The following ZDHHC2 variants were observed in gnomAD, a reference collection of about 807,000 sequenced individuals.
The protein encoded by ZDHHC2 is palmitoyltransferase ZDHHC2.
A neutral mutation model predicts 55.6 loss-of-function variants in ZDHHC2; 51 were observed. The observed-to-expected ratio is 0.92, with a 90% confidence interval of 0.73 to 1.16. The LOEUF is 1.16. ZDHHC2 is among the 50% of genes most tolerant of loss of function. The pLI is 0.00. For synonymous variants in ZDHHC2, 199 were observed against 152.9 expected, an observed-to-expected ratio of 1.30 and a Z score of -2.22; for missense variants, 491 against 442.4, an observed-to-expected ratio of 1.11 and a Z score of -0.99.
Position 17,156,706 on chromosome 8 carries a change from G to T in ZDHHC2, c.-18G>T. 1 of 1,449,594 alleles carries T rather than the reference G, an allele frequency of 6.9e-7. No homozygotes were observed. The highest frequency in any genetic ancestry group is 9.1e-7 in the Non-Finnish European group (1 of 1,097,252). The allele number at this position is 1,449,594 out of a possible 1,614,324, so 89.8% of individuals were successfully genotyped here. On this transcript the variant is annotated 5_prime_UTR_variant, in exon 1 of 13. The change creates a new upstream start codon in the 5' untranslated region. Transcript: ENST00000262096. The stretch of plus-strand genomic sequence containing the variant: ...CCGCGGGCGGCGGCGGAGCTGGGCA[G>T]GTGGATGCGGCTGGAAGATGGCGCC...
At chr8:17,204,495 G>T (rs928875751) in intron 6 of ZDHHC2, among the ~76,000 whole-genome samples, 1 of 152,234 alleles carries the variant, frequency 6.6e-6, no homozygotes, top group African/African-American at 2.4e-5. Context: ...CATGGGTGAT[G>T]TATCACATTG....
At chr8:17,194,974 A>C (rs1214384141) in intron 3 of ZDHHC2, among the ~76,000 whole-genome samples, 1 of 152,174 alleles carries the variant, frequency 6.6e-6, no homozygotes, top group Non-Finnish European at 1.5e-5. Flanking sequence ...AATATTTTAA[A>C]ATTAGCTGGG....
At chr8:17,166,090 G>C (rs139586891) in intron 1 of ZDHHC2, among the ~76,000 whole-genome samples, 50 of 152,322 alleles carry the variant, frequency 3.3e-4, no homozygotes, top group Non-Finnish European at 2.9e-5. Flanking sequence ...TTTACTTGGG[G>C]TGACATGAGA....
intron 3 of ZDHHC2, among the ~76,000 whole-genome samples, chr8:17,189,084 C>T (rs1326014844): frequency 6.7e-6 from 1 of 148,574 alleles, no homozygotes; most frequent in Non-Finnish European, 1.5e-5. Flanking sequence ...AGCCTCTTAA[C>T]AGGTTTCTTT....
chr8:17,204,614 C>G (rs1257769150), intron 6 of ZDHHC2, among the ~76,000 whole-genome samples: 1 of 151,968 alleles, frequency 6.6e-6, no homozygotes, highest in Non-Finnish European at 1.5e-5. Flanking sequence ...ATGATGAGAA[C>G]ACATGGACAC....
chr8:17,179,258 G>C (rs1320529816), intron 1 of ZDHHC2, among the ~76,000 whole-genome samples: 7 of 152,076 alleles, frequency 4.6e-5, no homozygotes, highest in Non-Finnish European at 1.0e-4. Context: ...TGGTTGTCCT[G>C]TCTTTCTTAC....
At chr8:17,172,162 T>C (rs564396019) in intron 1 of ZDHHC2, among the ~76,000 whole-genome samples, 11 of 152,278 alleles carry the variant, frequency 7.2e-5, no homozygotes, top group African/African-American at 2.6e-4. Flanking sequence ...TCCTTTTAAC[T>C]TTTTTGCCTA....
intron 6 of ZDHHC2, 92 bp from the exon 7 acceptor site, chr8:17,205,563 G>T: frequency 7.6e-7 from 1 of 1,323,694 alleles, no homozygotes; most frequent in Non-Finnish European, 1.0e-6. Context: ...CAATAAATTA[G>T]AAGTGAGAGG....
chr8:17,207,218 C>A (rs1401320636), intron 7 of ZDHHC2, among the ~76,000 whole-genome samples: 1 of 152,204 alleles, frequency 6.6e-6, no homozygotes, highest in Non-Finnish European at 1.5e-5. Flanking sequence ...AGAAGAGACA[C>A]CTCGTGGCAG....
chr8:17,191,417 T>C (rs570145720), intron 3 of ZDHHC2, among the ~76,000 whole-genome samples: 2 of 152,314 alleles, frequency 1.3e-5, no homozygotes, highest in East Asian at 1.9e-4. Flanking sequence ...TTTCTAACTT[T>C]TTTGGTTTTG....
rs750601335 is a variant in ZDHHC2 at position 17,186,443 on chromosome 8, C to T, written c.252+18C>T. 46 of 1,364,368 alleles carry T rather than the reference C, an allele frequency of 3.4e-5. No homozygotes were observed. The highest frequency in any genetic ancestry group is 1.4e-4 in the East Asian group (5 of 36,410). The allele number at this position is 1,364,368 out of a possible 1,614,324, so 84.5% of individuals were successfully genotyped here. ...CAAAAGAAGTAAGTTAAAATATTAA[C>T]GAAATTATTCTAATAATAGAAATCA... On this transcript the variant is annotated intron_variant, in intron 3 of 12. Transcript: ENST00000262096.
chr8:17,215,279 C>T lies in ZDHHC2; in HGVS notation c.993C>T (p.Ser331=). 1.2e-6 allele frequency: 2 copies of T among 1,602,126 alleles called. No homozygotes were observed. Among genetic ancestry groups the T allele is most frequent in the South Asian group, 1.1e-5 (1 of 88,274 alleles). The change falls in exon 11 of 13, where the codon TCC becomes TCT. Residue 331 remains serine, a synonymous_variant. Coordinates refer to ENST00000262096, the MANE Select transcript of ZDHHC2 (RefSeq NM_016353.5). Reference sequence around the variant, plus strand: ...TTCCTGCAAAGCCATTGAGAGAGTCCCAGAGCCACCTTCTTACTGATTCTC... The same window carrying T: ...TTCCTGCAAAGCCATTGAGAGAGTCTCAGAGCCACCTTCTTACTGATTCTC... ...HQFPAKPLRE[S]QSHLLTDSQS...
intron 6 of ZDHHC2, among the ~76,000 whole-genome samples, chr8:17,198,749 A>G (rs764302758): frequency 1.1e-4 from 17 of 152,264 alleles, no homozygotes; most frequent in Admixed American, 7.9e-4. Flanking sequence ...AATTATACAT[A>G]GTACCTCACT....
At position 17,156,806 on chromosome 8, in the gene ZDHHC2, T is replaced by A. The variant is rs1426892572; in HGVS notation, c.83T>A (p.Leu28His). Residue 28 changes from leucine (L) to histidine (H), a missense_variant, in exon 1 of 13, where the codon CTC (leucine) becomes CAC (histidine). Leu to His is a moderately conservative substitution (Grantham distance 99, BLOSUM62 -3). Coordinates refer to ENST00000262096, the MANE Select transcript of ZDHHC2 (RefSeq NM_016353.5). ...TGGATCCCGGTGGTGTTCATCACCC[T>A]CCTGCTCGGCTGGTCCTACTACGCC... ...LYWIPVVFIT[L>H]LLGWSYYAYA... is the part of the protein sequence containing the mutation. 2.6e-6 allele frequency: 4 copies of A among 1,521,316 alleles called. No homozygotes were observed. The Admixed American group carries it at 8.3e-5, about 32-fold the overall frequency. 94.2% of individuals were successfully genotyped at this position (1,521,316 alleles called of 1,614,324 possible).
intron 1 of ZDHHC2, among the ~76,000 whole-genome samples, chr8:17,178,923 G>C (rs1237261383): frequency 6.6e-6 from 1 of 152,056 alleles, no homozygotes; most frequent in Non-Finnish European, 1.5e-5. Context: ...GATTAGTTCA[G>C]CCTTTTTATA....
At chr8:17,157,818 A>G (rs1408540662) in intron 1 of ZDHHC2, among the ~76,000 whole-genome samples, 2 of 152,146 alleles carry the variant, frequency 1.3e-5, no homozygotes, top group East Asian at 3.9e-4. Context: ...TGCCCTACCA[A>G]GTGCTAGCTT....
intron 1 of ZDHHC2, 89 bp downstream of exon 1, chr8:17,156,942 C>A: frequency 7.9e-7 from 1 of 1,260,542 alleles, no homozygotes; most frequent in Non-Finnish European, 1.0e-6. Context: ...CGCTCTCGCC[C>A]CCCGGATGCG....
chr8:17,199,604 T>TCTTC (rs773086497), intron 6 of ZDHHC2, among the ~76,000 whole-genome samples: 13,436 of 43,572 alleles, frequency 0.31, 1,909 homozygotes, highest in East Asian at 0.43. Flanking sequence ...TCTTCTTTAT[T>TCTTC]CTTTCTTCTT....
intron 1 of ZDHHC2, among the ~76,000 whole-genome samples, chr8:17,180,491 C>G (rs1805379500): frequency 6.6e-6 from 1 of 152,118 alleles, no homozygotes; most frequent in Admixed American, 6.5e-5. Context: ...TTACTTTTCT[C>G]TTTGTAATTT....
Sources: gnomAD v4.1 joint callset for allele counts (sites outside exome capture counted in the v4.1 genomes callset) on GRCh38, gnomAD v4.1.1 for gene constraint, MANE v1.5 for transcripts, NCBI Gene and HGNC (gene_info 2026-07-23, HGNC 2026-07-21) for gene names.